MBP: variants seen among roughly 807,000 people sequenced by gnomAD.
The protein encoded by MBP is Golli-MBP.
Under a neutral mutation model 35.8 loss-of-function variants are expected in MBP, and 16 were observed. The observed-to-expected ratio is 0.45, with a 90% CI of 0.30 to 0.68. The LOEUF is 0.68. Among genes scored for constraint, MBP ranks in the 30% least tolerant of loss-of-function variants. The pLI is 0.08. For missense variants in MBP, 380 were observed against 404.7 expected, an observed-to-expected ratio of 0.94 and a Z score of 0.52; for synonymous variants, 143 against 159.6, an observed-to-expected ratio of 0.90 and a Z score of 0.78.
In MBP at chr18:77,101,740, G is replaced by A. The variant is rs955121489; in HGVS notation, c.51+3471C>T. Among the ~76,000 whole-genome samples the A allele has an allele frequency of 2.6e-5, 4 of 152,036 alleles. No homozygotes were observed. The highest frequency in any genetic ancestry group is 1.9e-4 in the East Asian group (1 of 5,194). ...TCTTACATCCTGCCGTGGCTTATTCGGGATGAGAGAGAAGCAAATTTCAAA... is the reference window on the plus strand; with the variant it reads ...TCTTACATCCTGCCGTGGCTTATTCAGGATGAGAGAGAAGCAAATTTCAAA... On this transcript the variant is annotated intron_variant, in intron 2 of 8. Transcript: ENST00000355994. The surrounding 1 kb of genome is among the most constrained non-coding windows in gnomAD (Gnocchi z 4.3).
chr18:77,078,195 G>A (rs542339362), intron 2 of MBP, among the ~76,000 whole-genome samples: 74 of 152,314 alleles, frequency 4.9e-4, no homozygotes, highest in African/African-American at 1.5e-3. Context: ...CAGGAGATGC[G>A]CTCATGCTGT....
At chr18:77,015,180 A>G in intron 4 of MBP, 1 of 985,274 alleles carries the variant, frequency 1.0e-6, no homozygotes, top group Non-Finnish European at 1.2e-6. Flanking sequence ...ATTTTATTTC[A>G]ACTTAAACCA....
At chr18:77,103,345 C>T (rs746692607) in intron 2 of MBP, among the ~76,000 whole-genome samples, 4 of 152,164 alleles carry the variant, frequency 2.6e-5, no homozygotes, top group East Asian at 1.9e-4. Flanking sequence ...GGGTGTAAGT[C>T]GGGGGTTCCC....
At chr18:77,021,318 A>C (rs1383822785) in intron 3 of MBP, among the ~76,000 whole-genome samples, 1 of 152,192 alleles carries the variant, frequency 6.6e-6, no homozygotes, top group Non-Finnish European at 1.5e-5. Context: ...GCACCACCAG[A>C]ATTGGAACCC....
chr18:77,072,972 T>C (rs775014725), intron 2 of MBP, among the ~76,000 whole-genome samples: 13 of 152,348 alleles, frequency 8.5e-5, no homozygotes, highest in Middle Eastern at 3.4e-3. Flanking sequence ...GTGTTCTTTC[T>C]GAATCTTCGC....
intron 4 of MBP, chr18:77,014,416 G>A: frequency 1.0e-6 from 1 of 985,454 alleles, no homozygotes; most frequent in Non-Finnish European, 1.2e-6. Context: ...TTCTAGATAG[G>A]GAGAAGCAGA....
chr18:77,100,534 TGTGTG>T (rs372144610), intron 2 of MBP, among the ~76,000 whole-genome samples: 1 of 148,884 alleles, frequency 6.7e-6, no homozygotes, highest in African/African-American at 2.5e-5. Flanking sequence ...TGTGTGTGTG[TGTGTG>T]TGTGTGTTTT....
Position 77,102,691 on chromosome 18 carries a change from A to G in MBP, c.51+2520T>C, listed in dbSNP as rs1279197528. Among the ~76,000 whole-genome samples the G allele has an allele frequency of 6.6e-6, 1 of 152,266 alleles. No individual in the cohort carries two copies. Among genetic ancestry groups the G allele is most frequent in the Non-Finnish European group, 1.5e-5 (1 of 68,040 alleles). On this transcript the variant is annotated intron_variant, in intron 2 of 8. Transcript: ENST00000355994. This position sits in a 1 kb window ranked among gnomAD's most constrained non-coding sequence, Gnocchi z 4.4. ...AATTAAAAACATATGTGGGTGTTTTACAGCGTCAAACAACAGGAAAGAAAC... is the reference window on the plus strand; with the variant it reads ...AATTAAAAACATATGTGGGTGTTTTGCAGCGTCAAACAACAGGAAAGAAAC...
At chr18:76,999,451 T>C (rs1446397112) in intron 4 of MBP, among the ~76,000 whole-genome samples, 1 of 151,408 alleles carries the variant, frequency 6.6e-6, no homozygotes, top group Non-Finnish European at 1.5e-5. Flanking sequence ...TCCTGCTGTT[T>C]AGTTTAGGTA....
At chr18:77,129,820 A>G (rs965619286) in intron 1 of MBP, among the ~76,000 whole-genome samples, 2 of 152,168 alleles carry the variant, frequency 1.3e-5, no homozygotes, top group South Asian at 2.1e-4. Flanking sequence ...ACTTGAGGTC[A>G]GGAGTTTGAG....
At position 77,101,665 on chromosome 18, in the gene MBP, T is replaced by C. The variant is rs1187626588; in HGVS notation, c.51+3546A>G. On this transcript the variant is annotated intron_variant, in intron 2 of 8. Coordinates refer to ENST00000355994, the MANE Select transcript of MBP (RefSeq NM_001025101.2). This position sits in a 1 kb window ranked among gnomAD's most constrained non-coding sequence, Gnocchi z 4.3. Reference sequence around the variant, plus strand: ...GCAACTCCAGAAAAGTGTCTTTTTTTCACCAATCAGAGACATTCCACAGTT... The same window carrying C: ...GCAACTCCAGAAAAGTGTCTTTTTTCCACCAATCAGAGACATTCCACAGTT... Among the ~76,000 whole-genome samples, 1 of 152,224 alleles carries C rather than the reference T, an allele frequency of 6.6e-6. No homozygotes were observed. The highest frequency in any genetic ancestry group is 2.4e-5 in the African/African-American group (1 of 41,448).
chr18:77,092,444 C>A (rs1357281558), intron 2 of MBP, among the ~76,000 whole-genome samples: 1 of 152,232 alleles, frequency 6.6e-6, no homozygotes, highest in East Asian at 1.9e-4. Flanking sequence ...GCACTCAGCA[C>A]CGCGCTCTCC....
At position 76,988,819 on chromosome 18, in the gene MBP, A is replaced by G; in HGVS notation, c.717+58T>C. On this transcript the variant is annotated intron_variant, in intron 6 of 8. Coordinates refer to ENST00000355994, the MANE Select transcript of MBP (RefSeq NM_001025101.2). This position sits in a 1 kb window ranked among gnomAD's most constrained non-coding sequence, Gnocchi z 5.2. ...AACTCTCTCTTTGGTACATTATGGG[A>G]TTTTAGAGAAGGTCTATCAGAAAAG... 1 of 1,554,868 alleles carries G rather than the reference A, an allele frequency of 6.4e-7. No individual in the cohort carries two copies.
intron 3 of MBP, among the ~76,000 whole-genome samples, chr18:77,042,775 G>A (rs1233649621): frequency 6.6e-6 from 1 of 152,196 alleles, no homozygotes; most frequent in East Asian, 1.9e-4. Flanking sequence ...CCCAGCAAGC[G>A]CCTGCGCAGT....
rs1046854080 is a variant in MBP at position 77,020,086 on chromosome 18, T to G, written c.140-2818A>C. On this transcript the variant is annotated intron_variant, in intron 3 of 8. Transcript: ENST00000355994. The surrounding 1 kb of genome is among the most constrained non-coding windows in gnomAD (Gnocchi z 4.1). ...GCTTGGTTTGGGGAGCAGCGGGGCC[T>G]GGGGAGGGAAGATTCTAGTGGACGG... 1.3e-5 allele frequency among the ~76,000 whole-genome samples: 2 copies of G among 151,946 alleles called. No homozygotes were observed. Among genetic ancestry groups the G allele is most frequent in the African/African-American group, 2.4e-5 (1 of 41,330 alleles).
At chr18:77,133,100 C>T (rs1172563536), upstream of MBP, among the ~76,000 whole-genome samples, 3 of 152,120 alleles carry the variant, frequency 2.0e-5, no homozygotes, top group Non-Finnish European at 2.9e-5. Context: ...CCCACCCCGA[C>T]CCCGACCTCG....
At position 76,979,934 on chromosome 18, in the gene MBP, C is replaced by T; in HGVS notation, c.*493G>A. On this transcript the variant is annotated 3_prime_UTR_variant, in exon 9 of 9. Transcript: ENST00000355994. Reference sequence around the variant, plus strand: ...CTAATCCTGTTAGGAAAAATGAAGTCTACTTTAGGAGGTGAGAGAAGGACA... The same window carrying T: ...CTAATCCTGTTAGGAAAAATGAAGTTTACTTTAGGAGGTGAGAGAAGGACA... The T allele has an allele frequency of 1.4e-6, 1 of 702,212 alleles. No individual in the cohort carries two copies. Among genetic ancestry groups the T allele is most frequent in the Non-Finnish European group, 2.6e-6 (1 of 384,920 alleles). 43.5% of individuals were successfully genotyped at this position (702,212 alleles called of 1,614,324 possible). A position where few individuals can be genotyped will look rare whatever the true frequency, so the allele number is the denominator to read the frequency against.
At chr18:76,997,721 C>G (rs111238791) in intron 4 of MBP, among the ~76,000 whole-genome samples, 1 of 150,374 alleles carries the variant, frequency 6.7e-6, no homozygotes, top group Non-Finnish European at 1.5e-5. Context: ...CTCACTTTGT[C>G]CCCCAGGCTG....
intron 4 of MBP, among the ~76,000 whole-genome samples, chr18:77,001,388 C>T (rs529790098): frequency 6.6e-6 from 1 of 152,226 alleles, no homozygotes; most frequent in Non-Finnish European, 1.5e-5. Flanking sequence ...CAGTCTCCAG[C>T]CACTCCGCAG....
Sources: allele counts gnomAD v4.1 joint callset (sites outside exome capture counted in the v4.1 genomes callset), GRCh38; gene constraint gnomAD v4.1.1; non-coding constraint Gnocchi (gnomAD v3.1); transcripts MANE v1.5; gene names NCBI Gene and HGNC (gene_info 2026-07-23, HGNC 2026-07-21).